Variants in NPTN observed in about 807,000 individuals in gnomAD.
NPTN encodes SDR-1.
In NPTN, 5 loss-of-function variants were observed where a neutral mutation model predicts 42.7. The observed-to-expected ratio is 0.12, with a 90% CI of 0.06 to 0.25. The LOEUF (loss-of-function observed/expected upper bound fraction) is 0.25, where lower values mean the gene tolerates loss of function less well. Ranked by LOEUF, NPTN falls within the 10% of genes least tolerant of loss-of-function variation. The probability of loss-of-function intolerance (pLI) is 1.00; values close to 1 mark genes in which losing one functional copy is unlikely to be tolerated. For synonymous variants in NPTN, 180 were observed against 201.9 expected (o/e 0.89, Z 0.92); for missense variants, 307 against 525.4 (o/e 0.58, Z 4.06).
At chr15:73,587,877 C>T (rs1319764704) in intron 3 of NPTN, among the ~76,000 whole-genome samples, 2 of 152,178 alleles carry the variant, frequency 1.3e-5, no homozygotes, top group Non-Finnish European at 2.9e-5. Flanking sequence ...CTGGGAGAAA[C>T]AAAATGCAAA....
chr15:73,596,560 CA>C (rs1369457640), intron 2 of NPTN, among the ~76,000 whole-genome samples: 1 of 151,948 alleles, frequency 6.6e-6, no homozygotes, highest in East Asian at 1.9e-4. Context: ...GGGAGAGAAA[CA>C]AAAATAGAAA....
intron 4 of NPTN, among the ~76,000 whole-genome samples, chr15:73,581,309 T>C (rs1288275827): frequency 1.3e-5 from 2 of 152,208 alleles, no homozygotes; most frequent in African/African-American, 4.8e-5. Flanking sequence ...AGCGTCTAAC[T>C]AAGCCTTCAT....
intron 4 of NPTN, among the ~76,000 whole-genome samples, chr15:73,577,674 C>G (rs1327653862): frequency 6.6e-6 from 1 of 152,186 alleles, no homozygotes; most frequent in African/African-American, 2.4e-5. Flanking sequence ...GATTCTGACC[C>G]TCCCTAAACT....
chr15:73,607,333 T>C (rs759880373), intron 1 of NPTN, among the ~76,000 whole-genome samples: 16 of 152,220 alleles, frequency 1.1e-4, no homozygotes, highest in Admixed American at 2.0e-4. Flanking sequence ...TGTCTATAAA[T>C]TCAGCGTAAC....
rs574928433 is a variant in NPTN, at chr15:73,597,895, C to G, written c.92-526G>C. ...GAAGTATTAAATGACCTACTGGTGC[C>G]TTCTCTTGGGATTCAGAGTTCAAAT... On this transcript the variant is annotated intron_variant, in intron 1 of 8. Coordinates refer to ENST00000345330, the MANE Select transcript of NPTN (RefSeq NM_012428.4). This position sits in a 1 kb window ranked among gnomAD's most constrained non-coding sequence, Gnocchi z 6.3. Among the ~76,000 whole-genome samples, 12 of 152,190 alleles carry G rather than the reference C, an allele frequency of 7.9e-5. 2 individuals carry two copies. The South Asian group carries it at 2.5e-3, about 32-fold the overall frequency.
chr15:73,601,199 G>C (rs895308092), intron 1 of NPTN, among the ~76,000 whole-genome samples: 1 of 152,138 alleles, frequency 6.6e-6, no homozygotes, highest in Non-Finnish European at 1.5e-5. Flanking sequence ...TAGAATGCAG[G>C]TCTTAGCTTA....
intron 5 of NPTN, among the ~76,000 whole-genome samples, chr15:73,572,413 CTCTCCAAACAACA>C (rs1356960009): frequency 2.6e-5 from 4 of 152,204 alleles, no homozygotes; most frequent in Non-Finnish European, 5.9e-5. Flanking sequence ...AAAGCTCTGA[CTCTCCAAACAACA>C]TCATGAATCA....
chr15:73,605,922 T>C (rs1325400437), intron 1 of NPTN, among the ~76,000 whole-genome samples: 1 of 151,964 alleles, frequency 6.6e-6, no homozygotes, highest in Non-Finnish European at 1.5e-5. Flanking sequence ...ATGGCCATCA[T>C]GCGGTGGCTC....
At chr15:73,587,662 G>A (rs1420839891) in intron 3 of NPTN, 44 bp from the exon 4 acceptor site, 1 of 1,372,934 alleles carries the variant, frequency 7.3e-7, no homozygotes, top group African/African-American at 1.4e-5. Context: ...ACTGGGAACG[G>A]TCAAAATATA....
chr15:73,609,503 G>T (rs527480430), intron 1 of NPTN, among the ~76,000 whole-genome samples: 6 of 151,976 alleles, frequency 3.9e-5, no homozygotes, highest in Non-Finnish European at 8.8e-5. Context: ...TGGTGGTGGG[G>T]GCCTGTAATC....
chr15:73,602,633 C>T (rs1265801225), intron 1 of NPTN, among the ~76,000 whole-genome samples: 1 of 152,192 alleles, frequency 6.6e-6, no homozygotes, highest in Non-Finnish European at 1.5e-5. Flanking sequence ...TTCCTTAACA[C>T]CAAAGGCAGG....
intron 1 of NPTN, among the ~76,000 whole-genome samples, chr15:73,618,076 G>A (rs1230256529): frequency 1.3e-5 from 2 of 152,174 alleles, no homozygotes; most frequent in African/African-American, 4.8e-5. Flanking sequence ...CACAGTAAGT[G>A]GTAGCTCTGC....
At chr15:73,607,077 T>A (rs1443760175) in intron 1 of NPTN, among the ~76,000 whole-genome samples, 1 of 152,140 alleles carries the variant, frequency 6.6e-6, no homozygotes, top group Non-Finnish European at 1.5e-5. Context: ...TAATTTTCCA[T>A]CCACTGACCC....
chr15:73,564,073 A>G (rs1402128322), intron 6 of NPTN, among the ~76,000 whole-genome samples: 1 of 152,220 alleles, frequency 6.6e-6, no homozygotes, highest in Non-Finnish European at 1.5e-5. Context: ...TTGATACTTT[A>G]TGATTCTGAT....
At chr15:73,617,423 A>G (rs917335412) in intron 1 of NPTN, among the ~76,000 whole-genome samples, 1 of 152,200 alleles carries the variant, frequency 6.6e-6, no homozygotes, top group Non-Finnish European at 1.5e-5. Context: ...CCACTATCCA[A>G]TGCAGGAGGA....
chr15:73,587,057 C>T (rs571400805), intron 4 of NPTN, among the ~76,000 whole-genome samples: 6 of 152,326 alleles, frequency 3.9e-5, no homozygotes, highest in Non-Finnish European at 8.8e-5. Flanking sequence ...CTGATGTCCA[C>T]TCTGCACACT....
At chr15:73,571,523 G>A (rs1414993326) in intron 5 of NPTN, among the ~76,000 whole-genome samples, 2 of 152,150 alleles carry the variant, frequency 1.3e-5, no homozygotes, top group Non-Finnish European at 2.9e-5. Context: ...GAAAGAGTCA[G>A]GGAAAGCTTC....
At chr15:73,622,520 T>G (rs1595970291) in intron 1 of NPTN, among the ~76,000 whole-genome samples, 1 of 147,338 alleles carries the variant, frequency 6.8e-6, no homozygotes, top group East Asian at 2.0e-4. Context: ...AAAAAAAGCC[T>G]GACGCCCTCA....
chr15:73,597,990 ACCT>A lies in NPTN; in HGVS notation c.92-624_92-622del, dbSNP rs1896906211. Among the ~76,000 whole-genome samples the A allele has an allele frequency of 1.3e-5, 2 of 151,994 alleles. No homozygotes were observed. Among genetic ancestry groups the A allele is most frequent in the Non-Finnish European group, 2.9e-5 (2 of 68,004 alleles). ...TCCTGGGTTCGATTAGACTTTCTCC[ACCT>A]CCTATTCTTCCCTGGGCCTATGGCA... On this transcript the variant is annotated intron_variant, in intron 1 of 8. Transcript: ENST00000345330. This position sits in a 1 kb window ranked among gnomAD's most constrained non-coding sequence, Gnocchi z 6.3.
Sources: gnomAD v4.1 joint callset for allele counts (sites outside exome capture counted in the v4.1 genomes callset) on GRCh38, gnomAD v4.1.1 for gene constraint, Gnocchi (gnomAD v3.1) non-coding constraint, MANE v1.5 for transcripts, NCBI Gene and HGNC (gene_info 2026-07-23, HGNC 2026-07-21) for gene names.